PPARGC1B: variants seen among roughly 807,000 people sequenced by gnomAD.
PPARGC1B encodes the protein PPARG coactivator 1 beta, also known as peroxisome proliferator-activated receptor gamma coactivator 1-beta.
A neutral mutation model predicts 101.6 loss-of-function variants in PPARGC1B; 34 were observed. The observed-to-expected ratio is 0.33, with a 90% CI of 0.25 to 0.45. The LOEUF (loss-of-function observed/expected upper bound fraction) is 0.45. Ranked by LOEUF, PPARGC1B falls within the 20% of genes least tolerant of loss-of-function variation. PPARGC1B has a pLI of 1.00. For missense variants in PPARGC1B, 1,234 were observed against 1,317.6 expected, an observed-to-expected ratio of 0.94 and a Z score of 0.98; for synonymous variants, 548 against 539.3, an observed-to-expected ratio of 1.02 and a Z score of -0.22.
intron 1 of PPARGC1B, among the ~76,000 whole-genome samples, chr5:149,740,858 G>A (rs777503970): frequency 4.6e-5 from 7 of 152,202 alleles, no homozygotes; most frequent in African/African-American, 1.7e-4. Context: ...TGATGACAAC[G>A]ACAATGATGT....
chr5:149,829,454 C>G (rs1758655597), intron 3 of PPARGC1B, among the ~76,000 whole-genome samples: 1 of 152,088 alleles, frequency 6.6e-6, no homozygotes, highest in African/African-American at 2.4e-5. Flanking sequence ...GTGGCCTTTT[C>G]TCTGGCTCCT....
At chr5:149,777,537 C>T (rs761659889) in intron 1 of PPARGC1B, among the ~76,000 whole-genome samples, 17 of 152,090 alleles carry the variant, frequency 1.1e-4, no homozygotes, top group Admixed American at 6.6e-4. Flanking sequence ...TGGGAAATTC[C>T]GCCACCCTCC....
chr5:149,809,232 C>G (rs1273102015), intron 1 of PPARGC1B, among the ~76,000 whole-genome samples: 7 of 8,162 alleles, frequency 8.6e-4, no homozygotes, highest in African/African-American at 3.1e-3. Context: ...CCATCTCTAC[C>G]ATAGATAGAT....
At chr5:149,812,065 G>A (rs561214677) in intron 1 of PPARGC1B, among the ~76,000 whole-genome samples, 71 of 152,350 alleles carry the variant, frequency 4.7e-4, no homozygotes, top group African/African-American at 1.5e-3. Flanking sequence ...CTTGGAGCCC[G>A]GCTGTGAAGG....
At chr5:149,800,942 C>T (rs1014847929) in intron 1 of PPARGC1B, among the ~76,000 whole-genome samples, 2 of 152,260 alleles carry the variant, frequency 1.3e-5, no homozygotes, top group Non-Finnish European at 2.9e-5. Flanking sequence ...TGACCCAAAG[C>T]TGCTTTCAAG....
intron 1 of PPARGC1B, among the ~76,000 whole-genome samples, chr5:149,751,445 C>T (rs1328467492): frequency 6.6e-6 from 1 of 152,112 alleles, no homozygotes; most frequent in Non-Finnish European, 1.5e-5. Flanking sequence ...CTGGCTCATG[C>T]CTGTAATCCC....
intron 10 of PPARGC1B, among the ~76,000 whole-genome samples, chr5:149,845,368 G>A (rs1167628155): frequency 1.3e-5 from 2 of 152,326 alleles, no homozygotes; most frequent in East Asian, 1.9e-4. Flanking sequence ...GAAACATACA[G>A]CGGTGTTAAG....
chr5:149,760,082 A>G (rs528094662), intron 1 of PPARGC1B, among the ~76,000 whole-genome samples: 1 of 152,256 alleles, frequency 6.6e-6, no homozygotes, highest in Non-Finnish European at 1.5e-5. Flanking sequence ...TGCAAGAGCC[A>G]AGGATGCCCT....
chr5:149,840,055 G>T lies in PPARGC1B; in HGVS notation c.2633G>T (p.Gly878Val), dbSNP rs770271785. The T allele has an allele frequency of 1.9e-6, 3 of 1,614,162 alleles. No homozygotes were observed. In the Admixed American group the frequency reaches 5.0e-5, roughly 27 times the overall value. ...TTCACTGACAGATGTGAGAGCAGAG[G>T]GCCGTGTTCAGACAGAACGCCAAGC... ...TRRNFRCESR[G>V]PCSDRTPSIR... Residue 878 changes from glycine to valine, a missense_variant, in exon 9 of 12, where the codon GGG becomes GTG. Around this residue, in one of 3 missense-constraint regions of PPARGC1B, gnomAD observed 497 missense variants for 529.5 expected, o/e 0.94. Transcript: ENST00000309241.
chr5:149,780,504 A>G (rs58384981), intron 1 of PPARGC1B, among the ~76,000 whole-genome samples: 3,716 of 152,264 alleles, frequency 0.024, 131 homozygotes, highest in African/African-American at 0.083. Context: ...GGTTTGAACT[A>G]AAGGTCTCTA....
chr5:149,827,607 T>C (rs1758581798), intron 3 of PPARGC1B, among the ~76,000 whole-genome samples: 1 of 152,216 alleles, frequency 6.6e-6, no homozygotes, highest in Non-Finnish European at 1.5e-5. Flanking sequence ...AAAATGAAAT[T>C]CCTGGGTCTG....
intron 1 of PPARGC1B, among the ~76,000 whole-genome samples, chr5:149,820,011 C>CA (rs11435650): frequency 0.33 from 49,533 of 152,028 alleles, 8,466 homozygotes; most frequent in African/African-American, 0.42. Flanking sequence ...ACAATACTGT[C>CA]AGTCATTATT....
intron 1 of PPARGC1B, among the ~76,000 whole-genome samples, chr5:149,787,934 T>G (rs1281565424): frequency 2.0e-5 from 3 of 152,200 alleles, no homozygotes; most frequent in Non-Finnish European, 4.4e-5. Flanking sequence ...TCAAGATGGA[T>G]TAAAGACTTA....
chr5:149,836,889 G>A lies in PPARGC1B; in HGVS notation c.2434G>A (p.Glu812Lys). Residue 812 changes from glutamate to lysine, a missense_variant, in exon 8 of 12, where the codon GAA (glutamate) becomes AAA (lysine). Physicochemically the swap from Glu to Lys is moderately conservative, Grantham distance 56. This residue lies in a region of PPARGC1B where 497 missense variants were observed against 529.5 expected (regional missense o/e 0.94). Coordinates refer to ENST00000309241, the MANE Select transcript of PPARGC1B (RefSeq NM_133263.4). ...SSFLPEEEEE[E>K]GEEEEEDDEE... is the part of the protein sequence containing the mutation. ...CTTCCTCCCAGAGGAGGAAGAGGAA[G>A]AAGGGGAGGAGGAGGAGGAGGACGA... 1.9e-6 allele frequency: 3 copies of A among 1,613,252 alleles called. No homozygotes were observed. The highest frequency in any genetic ancestry group is 2.5e-6 in the Non-Finnish European group (3 of 1,179,998).
At chr5:149,796,312 G>T (rs892185965) in intron 1 of PPARGC1B, among the ~76,000 whole-genome samples, 2 of 152,206 alleles carry the variant, frequency 1.3e-5, no homozygotes, top group African/African-American at 4.8e-5. Flanking sequence ...CACTGGGGCA[G>T]TGACCAGCTA....
intron 1 of PPARGC1B, among the ~76,000 whole-genome samples, chr5:149,738,340 A>G (rs1385358749): frequency 6.6e-6 from 1 of 152,236 alleles, no homozygotes; most frequent in East Asian, 1.9e-4. Context: ...TTTTCACCAC[A>G]GTGAATAGAT....
rs1759775347 is a variant in PPARGC1B at position 149,851,822 on chromosome 5, G to A, written c.*4264G>A. On this transcript the variant is annotated 3_prime_UTR_variant, in exon 12 of 12. Transcript: ENST00000309241. ...GTGTCCTTGGCCCAGAACCACCATG[G>A]GATGGGGGAGGCCCTGAGCCGGCTA... 6.6e-6 allele frequency: 1 copy of A among 152,218 alleles called. No homozygotes were observed. Among genetic ancestry groups the A allele is most frequent in the African/African-American group, 2.4e-5 (1 of 41,456 alleles). 9.4% of individuals were successfully genotyped at this position (152,218 alleles called of 1,614,324 possible). A position where few individuals can be genotyped will look rare whatever the true frequency, so the allele number is the denominator to read the frequency against.
intron 1 of PPARGC1B, among the ~76,000 whole-genome samples, chr5:149,804,586 C>T (rs1029592912): frequency 2.6e-5 from 4 of 152,180 alleles, no homozygotes; most frequent in African/African-American, 9.7e-5. Context: ...GCAGGAGAAT[C>T]GCTTGAACCC....
At chr5:149,809,493 G>GATAGATAGATAGATAGATCCATCTCTACC (rs1757759970) in intron 1 of PPARGC1B, among the ~76,000 whole-genome samples, 1 of 89,360 alleles carries the variant, frequency 1.1e-5, no homozygotes, top group African/African-American at 3.5e-5. Flanking sequence ...TAGATAGATA[G>GATAGATAGATAGATAGATCCATCTCTACC]ATAGATAGAT....
Sources: gnomAD v4.1 joint callset for allele counts (sites outside exome capture counted in the v4.1 genomes callset) on GRCh38, gnomAD v4.1.1 for gene constraint, gnomAD v4.1.1 regional missense constraint, MANE v1.5 for transcripts, NCBI Gene and HGNC (gene_info 2026-07-23, HGNC 2026-07-21) for gene names.